Variants in CBLN4 observed in about 807,000 individuals in gnomAD.
CBLN4 encodes the protein cerebellin 4 precursor, also known as cerebellin-4.
Under a neutral mutation model 14.9 loss-of-function variants are expected in CBLN4, and 7 were observed. That is an observed-to-expected ratio of 0.47 (90% CI 0.27 to 0.88). CBLN4 has a LOEUF of 0.88. Among genes scored for constraint, CBLN4 ranks in the 40% least tolerant of loss-of-function variants. The pLI is 0.14. For synonymous variants in CBLN4, 131 were observed against 116.5 expected (o/e 1.12, Z -0.80); for missense variants, 188 against 256.8 (o/e 0.73, Z 1.83).
intron 1 of CBLN4, 89 bp downstream of exon 1, chr20:56,003,792 C>T (rs1311376218): frequency 5.9e-6 from 8 of 1,360,720 alleles, no homozygotes; most frequent in Non-Finnish European, 7.0e-6. Context: ...ATTTCCCAAT[C>T]GGACCAGCTT....
chr20:56,001,190 A>G (rs962311626), intron 1 of CBLN4, among the ~76,000 whole-genome samples: 1 of 152,226 alleles, frequency 6.6e-6, no homozygotes, highest in Non-Finnish European at 1.5e-5. Flanking sequence ...GCAAGGCCCA[A>G]TGGCTCTGGA....
At chr20:56,001,268 C>T (rs1314616561) in intron 1 of CBLN4, among the ~76,000 whole-genome samples, 5 of 152,182 alleles carry the variant, frequency 3.3e-5, no homozygotes, top group Non-Finnish European at 5.9e-5. Context: ...AAAAGGCACC[C>T]GCTATGTGTT....
At chr20:56,000,700 G>A (rs200155660) in intron 2 of CBLN4, 31 bp downstream of exon 2, 18 of 1,138,420 alleles carry the variant, frequency 1.6e-5, no homozygotes, top group Middle Eastern at 4.0e-4. Context: ...AGTTGGTTGA[G>A]AGTATGGATG....
At position 55,997,698 on chromosome 20, in the gene CBLN4, G is replaced by A. The variant is rs563998709; in HGVS notation, c.*859C>T. The A allele has an allele frequency of 2.3e-5, 3 of 129,780 alleles. No individual in the cohort carries two copies. The highest frequency in any genetic ancestry group is 4.2e-4 in the South Asian group (2 of 4,726). The allele number at this position is 129,780 out of a possible 1,614,324, so 8.0% of individuals were successfully genotyped here. A position where few individuals can be genotyped will look rare whatever the true frequency, so the allele number is the denominator to read the frequency against. On this transcript the variant is annotated 3_prime_UTR_variant, in exon 3 of 3. Transcript: ENST00000064571. The stretch of plus-strand genomic sequence containing the variant: ...CAGTTAATAAAGTGGTCATGTCTAC[G>A]GAAAAAAAAAAAACCTTAGGTTTTT...
chr20:56,004,262 A>C lies in CBLN4; in HGVS notation c.-91T>G. ...GGATCCCGGTGCTCGGGAAGATGCTAGCGGCTAGGTCGACAGCGCTGCAGG... is the reference window on the plus strand; with the variant it reads ...GGATCCCGGTGCTCGGGAAGATGCTCGCGGCTAGGTCGACAGCGCTGCAGG... On this transcript the variant is annotated 5_prime_UTR_variant, in exon 1 of 3. Coordinates refer to ENST00000064571, the MANE Select transcript of CBLN4 (RefSeq NM_080617.6). The surrounding 1 kb of genome is among the most constrained non-coding windows in gnomAD (Gnocchi z 6.1). The C allele has an allele frequency of 7.8e-7, 1 of 1,286,604 alleles. No individual in the cohort carries two copies. The highest frequency in any genetic ancestry group is 1.0e-6 in the Non-Finnish European group (1 of 993,610). 79.7% of individuals were successfully genotyped at this position (1,286,604 alleles called of 1,614,324 possible). A position where few individuals can be genotyped will look rare whatever the true frequency, so the allele number is the denominator to read the frequency against.
chr20:56,003,808 G>T, intron 1 of CBLN4, 73 bp downstream of exon 1: 1 of 1,470,792 alleles, frequency 6.8e-7, no homozygotes. Flanking sequence ...AGCTTAGCCT[G>T]GGCAGGCAGC....
rs1426043289 is a variant in CBLN4, at chr20:56,004,187, C to T, written c.-16G>A. Reference sequence around the variant, plus strand: ...CGGAGCCCATGGTGAGCCGTGTGGGCAGCCGCAGCCGGCTGGCGCTGGTGC... The same window carrying T: ...CGGAGCCCATGGTGAGCCGTGTGGGTAGCCGCAGCCGGCTGGCGCTGGTGC... On this transcript the variant is annotated 5_prime_UTR_variant, in exon 1 of 3. Transcript: ENST00000064571. The surrounding 1 kb of genome is among the most constrained non-coding windows in gnomAD (Gnocchi z 6.1). 3 of 1,412,100 alleles carry T rather than the reference C, an allele frequency of 2.1e-6. No homozygotes were observed. In the South Asian group the frequency reaches 4.6e-5, roughly 22 times the overall value. The allele number at this position is 1,412,100 out of a possible 1,614,324, so 87.5% of individuals were successfully genotyped here.
chr20:56,001,656 ACCT>A (rs1169378457), intron 1 of CBLN4, among the ~76,000 whole-genome samples: 1 of 152,110 alleles, frequency 6.6e-6, no homozygotes, highest in Non-Finnish European at 1.5e-5. Context: ...CTGTCCATTA[ACCT>A]CCTATCAATC....
intron 2 of CBLN4, among the ~76,000 whole-genome samples, chr20:56,000,177 A>G (rs1015137698): frequency 1.8e-4 from 28 of 152,246 alleles, no homozygotes; most frequent in Non-Finnish European, 4.0e-4. Context: ...GTGGAACTGC[A>G]GTTGGTAAGA....
At chr20:55,999,617 G>A (rs1048180422) in intron 2 of CBLN4, among the ~76,000 whole-genome samples, 1 of 152,124 alleles carries the variant, frequency 6.6e-6, no homozygotes, top group African/African-American at 2.4e-5. Context: ...GAAAGAGTGA[G>A]ACCCTATCTC....
chr20:56,005,401 C>CCCGCGCT lies in CBLN4; in HGVS notation c.-1237_-1231dup, dbSNP rs1337235805. 6.6e-6 allele frequency: 1 copy of CCCGCGCT among 152,276 alleles called. No homozygotes were observed. The highest frequency in any genetic ancestry group is 6.5e-5 in the Admixed American group (1 of 15,292). The allele number at this position is 152,276 out of a possible 1,614,324, so 9.4% of individuals were successfully genotyped here. On this transcript the variant is annotated 5_prime_UTR_variant, in exon 1 of 3. Coordinates refer to ENST00000064571, the MANE Select transcript of CBLN4 (RefSeq NM_080617.6). ...GCGAAAAAGGATAAGCCGCCGCGGA[C>CCCGCGCT]CCGCGCTGCGCGCTGCCCCGAACCT...
In CBLN4 at chr20:56,003,868, C is replaced by T. The variant is rs1600862654; in HGVS notation, c.291+13G>A. On this transcript the variant is annotated intron_variant, in intron 1 of 2. Transcript: ENST00000064571. Reference sequence around the variant, plus strand: ...GCCCACCCCCTAGGTGCTCGCTTCCCCCCGGGTCTGACCTGATCGAAGTAA... The same window carrying T: ...GCCCACCCCCTAGGTGCTCGCTTCCTCCCGGGTCTGACCTGATCGAAGTAA... The T allele has an allele frequency of 1.3e-6, 2 of 1,585,388 alleles. No homozygotes were observed. The highest frequency in any genetic ancestry group is 1.7e-6 in the Non-Finnish European group (2 of 1,162,582).
Position 56,004,431 on chromosome 20 carries a change from A to G in CBLN4, c.-260T>C. The G allele has an allele frequency of 2.4e-6, 1 of 413,540 alleles. No homozygotes were observed. Among genetic ancestry groups the G allele is most frequent in the Non-Finnish European group, 4.2e-6 (1 of 237,526 alleles). The allele number at this position is 413,540 out of a possible 1,614,324, so 25.6% of individuals were successfully genotyped here. A position where few individuals can be genotyped will look rare whatever the true frequency, so the allele number is the denominator to read the frequency against. ...CCTTTACCCTACTCTCCTCCGCCCA[A>G]GAATCAGCCCTGCCTGGGGCCCCTG... is the stretch of plus-strand genomic sequence containing the variant. On this transcript the variant is annotated 5_prime_UTR_variant, in exon 1 of 3. Transcript: ENST00000064571. This position sits in a 1 kb window ranked among gnomAD's most constrained non-coding sequence, Gnocchi z 6.1.
intron 1 of CBLN4, among the ~76,000 whole-genome samples, chr20:56,001,792 C>T (rs926627576): frequency 2.0e-5 from 3 of 152,096 alleles, no homozygotes; most frequent in Non-Finnish European, 4.4e-5. Context: ...AAAATTAACT[C>T]TAAATTTTAA....
chr20:56,002,102 A>G (rs1025571982), intron 1 of CBLN4, among the ~76,000 whole-genome samples: 1 of 152,170 alleles, frequency 6.6e-6, no homozygotes, highest in Non-Finnish European at 1.5e-5. Context: ...TGGGCAACAT[A>G]CCAGAATGTA....
At position 56,004,236 on chromosome 20, in the gene CBLN4, G is replaced by A. The variant is rs1249062401; in HGVS notation, c.-65C>T. ...GCTCGCCCGCGTCGCCTCCTACCCC[G>A]GGATCCCGGTGCTCGGGAAGATGCT... On this transcript the variant is annotated 5_prime_UTR_variant, in exon 1 of 3. Coordinates refer to ENST00000064571, the MANE Select transcript of CBLN4 (RefSeq NM_080617.6). The surrounding 1 kb of genome is among the most constrained non-coding windows in gnomAD (Gnocchi z 6.1). The A allele has an allele frequency of 2.2e-6, 3 of 1,352,834 alleles. No homozygotes were observed. Among genetic ancestry groups the A allele is most frequent in the Middle Eastern group, 2.7e-4 (1 of 3,668 alleles). The allele number at this position is 1,352,834 out of a possible 1,614,324, so 83.8% of individuals were successfully genotyped here.
chr20:56,003,241 TTTCTC>T (rs1219088064), intron 1 of CBLN4, among the ~76,000 whole-genome samples: 1 of 152,116 alleles, frequency 6.6e-6, no homozygotes, highest in Non-Finnish European at 1.5e-5. Flanking sequence ...CTCCGCAACT[TTTCTC>T]TAAGTACCGG....
Position 56,000,832 on chromosome 20 carries a change from C to A in CBLN4, c.307G>T (p.Gly103Cys), listed in dbSNP as rs1187097675. 3 of 1,549,130 alleles carry A rather than the reference C, an allele frequency of 1.9e-6. No individual in the cohort carries two copies. The highest frequency in any genetic ancestry group is 1.9e-5 in the Admixed American group (1 of 53,956). ...IYFDQILVNV[G>C]NFFTLESVFV... ...ACAGACTCCAATGTGAAAAAATTAC[C>A]CACATTCACCAGGATCTACAAATAA... Residue 103 changes from glycine (G) to cysteine (C), a missense_variant, in exon 2 of 3, where the codon GGT (glycine) becomes TGT (cysteine). Transcript: ENST00000064571.
Position 56,001,092 on chromosome 20 carries a change from T to C in CBLN4, c.292-245A>G, listed in dbSNP as rs530160450. Among the ~76,000 whole-genome samples the C allele has an allele frequency of 1.1e-4, 17 of 152,316 alleles. 1 individual carries two copies. The highest frequency in any genetic ancestry group is 2.1e-4 in the South Asian group (1 of 4,830). On this transcript the variant is annotated intron_variant, in intron 1 of 2. Coordinates refer to ENST00000064571, the MANE Select transcript of CBLN4 (RefSeq NM_080617.6). ...CTTTCCTCTTAACTGATTTGGAAAA[T>C]TGACTGGAATACTGGAAGGTTCTTC... is the stretch of plus-strand genomic sequence containing the variant.
Sources: gnomAD v4.1 joint callset for allele counts (sites outside exome capture counted in the v4.1 genomes callset) on GRCh38, gnomAD v4.1.1 for gene constraint, Gnocchi (gnomAD v3.1) non-coding constraint, MANE v1.5 for transcripts, NCBI Gene and HGNC (gene_info 2026-07-23, HGNC 2026-07-21) for gene names.